YME1L1: variants seen among roughly 807,000 people sequenced by gnomAD.
YME1L1 encodes the protein YME1 like 1 ATPase, also known as ATP-dependent zinc metalloprotease YME1L1.
A neutral mutation model predicts 90.4 loss-of-function variants in YME1L1; 39 were observed. That is an observed-to-expected ratio of 0.43 (90% CI 0.33 to 0.56). The LOEUF (loss-of-function observed/expected upper bound fraction) is 0.56. YME1L1 is among the 20% of genes least tolerant of loss of function. The pLI is 0.03. For synonymous variants in YME1L1, 284 were observed against 287.3 expected, an observed-to-expected ratio of 0.99 and a Z score of 0.12; for missense variants, 617 against 868.4, an observed-to-expected ratio of 0.71 and a Z score of 3.64.
At chr10:27,126,878 T>C (rs916309627) in intron 8 of YME1L1, 92 bp from the exon 9 acceptor site, 2 of 763,278 alleles carry the variant, frequency 2.6e-6, no homozygotes, top group African/African-American at 1.9e-5. Flanking sequence ...TAAATTTAAT[T>C]TGGATATGGA....
intron 10 of YME1L1, 87 bp downstream of exon 10, chr10:27,123,460 G>A: frequency 6.9e-7 from 1 of 1,447,310 alleles, no homozygotes; most frequent in South Asian, 1.3e-5. Flanking sequence ...AAAAAAGGAA[G>A]AAAAAAAGTA....
At position 27,145,503 on chromosome 10, in the gene YME1L1, A is replaced by G; in HGVS notation, c.256T>C (p.Cys86Arg). The G allele has an allele frequency of 1.2e-6, 2 of 1,613,658 alleles. No homozygotes were observed. Residue 86 changes from cysteine to arginine, a missense_variant, in exon 3 of 19, where the codon TGT becomes CGT. Physicochemically the swap from Cys to Arg is radical, Grantham distance 180 (BLOSUM62 -3). Coordinates refer to ENST00000376016, the MANE Select transcript of YME1L1 (RefSeq NM_014263.4). The stretch of plus-strand genomic sequence containing the variant: ...TGGGAAGAAATGTTTTTGCCTTTAC[A>G]AAATCCAGGAAGTAGATTTTCTACC... ...QLVENLLPGF[C>R]KGKNISSHWH...
intron 18 of YME1L1, among the ~76,000 whole-genome samples, chr10:27,112,452 GA>G (rs1378530503): frequency 6.6e-6 from 1 of 152,128 alleles, no homozygotes; most frequent in Non-Finnish European, 1.5e-5. Flanking sequence ...CTCCTGTGGA[GA>G]ATGCATTCCC....
At chr10:27,122,797 T>A in intron 11 of YME1L1, 44 bp downstream of exon 11, 1 of 1,608,074 alleles carries the variant, frequency 6.2e-7, no homozygotes, top group Non-Finnish European at 8.5e-7. Context: ...TATCAAATGC[T>A]GGGAGGCATC....
At chr10:27,149,228 C>G (rs931031877) in intron 1 of YME1L1, among the ~76,000 whole-genome samples, 188 bp from the exon 2 acceptor site, 2 of 152,046 alleles carry the variant, frequency 1.3e-5, no homozygotes, top group African/African-American at 4.8e-5. Flanking sequence ...GGATATTATT[C>G]TGAATATGTA....
Position 27,145,303 on chromosome 10 carries a change from A to AC in YME1L1, c.331+124_331+125insG, listed in dbSNP as rs1474694844. On this transcript the variant is annotated intron_variant, in intron 3 of 18. Transcript: ENST00000376016. ...ATGAAAAATTGCAAAAAAAAAAACAAAAAAAAAACACTTCAGGAAAGAACC... is the reference window on the plus strand; with the variant it reads ...ATGAAAAATTGCAAAAAAAAAAACAACAAAAAAAACACTTCAGGAAAGAACC... 3.9e-5 allele frequency: 33 copies of AC among 838,318 alleles called. No individual in the cohort carries two copies. The East Asian group carries it at 1.0e-3, about 26-fold the overall frequency. The allele number at this position is 838,318 out of a possible 1,614,324, so 51.9% of individuals were successfully genotyped here.
chr10:27,111,988 C>T lies in YME1L1; in HGVS notation c.2140G>A (p.Glu714Lys). 1 of 1,614,014 alleles carries T rather than the reference C, an allele frequency of 6.2e-7. No individual in the cohort carries two copies. Residue 714 changes from glutamate (E) to lysine (K), a missense_variant, in exon 19 of 19, where the codon GAA becomes AAA. Glu to Lys is a moderately conservative substitution (Grantham distance 56, BLOSUM62 1). This residue lies in a region of YME1L1 where 212 missense variants were observed against 330.0 expected (regional missense o/e 0.64). Coordinates refer to ENST00000376016, the MANE Select transcript of YME1L1 (RefSeq NM_014263.4). Reference sequence around the variant, plus strand: ...TATCAAGAGAGTTATCATCTCACTTCCAACTTTTTCCCCTCAAGAACAATT... The same window carrying T: ...TATCAAGAGAGTTATCATCTCACTTTCAACTTTTTCCCCTCAAGAACAATT... Reference protein sequence around the residue: ...IQIVLEGKKLEVR With the variant: ...IQIVLEGKKLKVR
chr10:27,127,701 T>A (rs949431264), intron 8 of YME1L1, among the ~76,000 whole-genome samples: 2 of 152,192 alleles, frequency 1.3e-5, no homozygotes, highest in Non-Finnish European at 2.9e-5. Flanking sequence ...GACAGGAAAT[T>A]GTCCCTAGGT....
intron 4 of YME1L1, among the ~76,000 whole-genome samples, chr10:27,139,183 A>G (rs2057059920): frequency 1.3e-5 from 2 of 152,044 alleles, no homozygotes; most frequent in Non-Finnish European, 2.9e-5. Flanking sequence ...ATTCAGACAC[A>G]GATACATACA....
intron 3 of YME1L1, among the ~76,000 whole-genome samples, chr10:27,143,681 C>G (rs970781874): frequency 8.2e-6 from 1 of 122,584 alleles, no homozygotes; most frequent in Non-Finnish European, 1.6e-5. Flanking sequence ...CTGGGCAACA[C>G]AGCAAGACTC....
Position 27,154,317 on chromosome 10 carries a change from C to T in YME1L1, c.-107G>A. ...CTTCTTTTTTCCTTTTTCTCCGACCCGTTGCCCCTCACTCCTCCCAGAAAC... is the reference window on the plus strand; with the variant it reads ...CTTCTTTTTTCCTTTTTCTCCGACCTGTTGCCCCTCACTCCTCCCAGAAAC... On this transcript the variant is annotated 5_prime_UTR_variant, in exon 1 of 19. Transcript: ENST00000376016. 7.3e-7 allele frequency: 1 copy of T among 1,370,074 alleles called. No individual in the cohort carries two copies. The highest frequency in any genetic ancestry group is 1.0e-6 in the Non-Finnish European group (1 of 1,001,270). The allele number at this position is 1,370,074 out of a possible 1,614,324, so 84.9% of individuals were successfully genotyped here. A position where few individuals can be genotyped will look rare whatever the true frequency, so the allele number is the denominator to read the frequency against.
rs1261870172 is a variant in YME1L1, at chr10:27,110,391, A to G, written c.*1586T>C. 3 of 152,210 alleles carry G rather than the reference A, an allele frequency of 2.0e-5. No individual in the cohort carries two copies. The highest frequency in any genetic ancestry group is 4.4e-5 in the Non-Finnish European group (3 of 68,042). 9.4% of individuals were successfully genotyped at this position (152,210 alleles called of 1,614,324 possible). On this transcript the variant is annotated 3_prime_UTR_variant, in exon 19 of 19. Transcript: ENST00000376016. The stretch of plus-strand genomic sequence containing the variant: ...TTATCAACCAAAAGGTCAAGAATAT[A>G]ATGTAACAAGCTTCCTGTAACAATA...
At chr10:27,115,659 T>C (rs2056805454) in intron 17 of YME1L1, among the ~76,000 whole-genome samples, 1 of 152,096 alleles carries the variant, frequency 6.6e-6, no homozygotes, top group Admixed American at 6.5e-5. Flanking sequence ...TTGAAAAACC[T>C]TGGCAGCTAC....
At chr10:27,137,410 A>G (rs1252100656) in intron 4 of YME1L1, among the ~76,000 whole-genome samples, 2 of 152,098 alleles carry the variant, frequency 1.3e-5, no homozygotes. Context: ...TCTGGTTTTT[A>G]TTGCTGGAAA....
intron 18 of YME1L1, among the ~76,000 whole-genome samples, chr10:27,113,090 T>C (rs573133662): frequency 2.0e-5 from 3 of 151,520 alleles, no homozygotes; most frequent in East Asian, 2.0e-4. Flanking sequence ...CATGGCAGCA[T>C]GCGCTTATAG....
chr10:27,124,282 TACAC>T (rs1339632177), intron 9 of YME1L1, among the ~76,000 whole-genome samples: 2 of 152,140 alleles, frequency 1.3e-5, no homozygotes, highest in African/African-American at 4.8e-5. Flanking sequence ...GGGGGAAAAA[TACAC>T]ACATAACACA....
At chr10:27,143,135 A>G (rs1444184309) in intron 3 of YME1L1, among the ~76,000 whole-genome samples, 1 of 143,772 alleles carries the variant, frequency 7.0e-6, no homozygotes, top group Non-Finnish European at 1.5e-5. Context: ...TTTGGGAGGC[A>G]GAGGTGGGTG....
At chr10:27,115,641 G>C (rs2135840115) in intron 17 of YME1L1, among the ~76,000 whole-genome samples, 1 of 152,164 alleles carries the variant, frequency 6.6e-6, no homozygotes, top group East Asian at 1.9e-4. Context: ...CTGGTTCTCA[G>C]TACTTTCTTG....
chr10:27,122,580 G>A (rs10741128), intron 11 of YME1L1, among the ~76,000 whole-genome samples: 128,340 of 152,166 alleles, frequency 0.84, 54,403 homozygotes, highest in East Asian at 0.99. Context: ...CAATAAATGA[G>A]AAAGGATATA....
Sources: gnomAD v4.1 joint callset for allele counts (sites outside exome capture counted in the v4.1 genomes callset) on GRCh38, gnomAD v4.1.1 for gene constraint, gnomAD v4.1.1 regional missense constraint, MANE v1.5 for transcripts, NCBI Gene and HGNC (gene_info 2026-07-23, HGNC 2026-07-21) for gene names.